Variants in RBFOX1 observed in about 807,000 individuals in gnomAD.
RBFOX1 encodes the protein RNA binding fox-1 homolog 1.
A neutral mutation model predicts 57.7 loss-of-function variants in RBFOX1; 8 were observed. That is an observed-to-expected ratio of 0.14 (90% CI 0.08 to 0.25). The LOEUF is 0.25. Among genes scored for constraint, RBFOX1 ranks in the 10% least tolerant of loss-of-function variants. The probability of loss-of-function intolerance (pLI) is 1.00; values close to 1 mark genes in which losing one functional copy is unlikely to be tolerated. For synonymous variants in RBFOX1, 326 were observed against 222.4 expected (o/e 1.47, Z -4.15); for missense variants, 611 against 548.5 (o/e 1.11, Z -1.14).
chr16:6,201,566 A>G (rs562779353), intron 1 of RBFOX1, among the ~76,000 whole-genome samples: 3 of 152,276 alleles, frequency 2.0e-5, no homozygotes, highest in Non-Finnish European at 4.4e-5. Flanking sequence ...GGGTGTAAAA[A>G]TACAGTTGAT....
At chr16:6,437,961 C>T (rs758880849) in intron 2 of RBFOX1, among the ~76,000 whole-genome samples, 1 of 152,088 alleles carries the variant, frequency 6.6e-6, no homozygotes, top group African/African-American at 2.4e-5. Context: ...CAATGAGGCT[C>T]TTCTGATGGG....
chr16:7,624,834 G>A (rs939782565), intron 10 of RBFOX1, among the ~76,000 whole-genome samples: 3 of 152,178 alleles, frequency 2.0e-5, no homozygotes, highest in African/African-American at 4.8e-5. Context: ...GAGGTGATAC[G>A]GTTCTGATGA....
intron 3 of RBFOX1, among the ~76,000 whole-genome samples, chr16:5,793,956 G>A (rs28687534): frequency 0.046 from 6,962 of 152,210 alleles, 510 homozygotes; most frequent in African/African-American, 0.16. Flanking sequence ...TTTTTTGGGA[G>A]AGTTAATATG....
intron 3 of RBFOX1, among the ~76,000 whole-genome samples, chr16:6,969,777 G>A (rs919203493): frequency 6.6e-6 from 1 of 151,876 alleles, no homozygotes; most frequent in Non-Finnish European, 1.5e-5. Flanking sequence ...TATCTTAATT[G>A]CTGAGCTCTC....
At chr16:5,502,879 G>A (rs1476275332) in intron 2 of RBFOX1, among the ~76,000 whole-genome samples, 4 of 152,190 alleles carry the variant, frequency 2.6e-5, no homozygotes, top group Admixed American at 2.0e-4. Context: ...GAGCAATTCT[G>A]ATTGAGATCT....
intron 1 of RBFOX1, among the ~76,000 whole-genome samples, chr16:5,286,778 G>A (rs997222047): frequency 3.9e-5 from 6 of 152,186 alleles, no homozygotes; most frequent in Admixed American, 6.5e-5. Flanking sequence ...TTGCAGTGAA[G>A]CAGTGGTACC....
chr16:5,875,825 G>A (rs972633181), intron 4 of RBFOX1, among the ~76,000 whole-genome samples: 2 of 151,754 alleles, frequency 1.3e-5, no homozygotes, highest in Non-Finnish European at 2.9e-5. Flanking sequence ...GAGGTTTGGG[G>A]GATGAATTAG....
At chr16:5,999,495 C>T (rs187091759) in intron 4 of RBFOX1, among the ~76,000 whole-genome samples, 1 of 152,114 alleles carries the variant, frequency 6.6e-6, no homozygotes, top group Non-Finnish European at 1.5e-5. Context: ...TGAAACAAAA[C>T]TTACATGCTA....
intron 3 of RBFOX1, among the ~76,000 whole-genome samples, chr16:6,901,762 T>A (rs74008424): frequency 0.026 from 4,009 of 152,298 alleles, 166 homozygotes; most frequent in African/African-American, 0.092. Flanking sequence ...CAGTAGAGAT[T>A]AACACTCATA....
At chr16:5,448,995 T>A (rs2068338530) in intron 1 of RBFOX1, among the ~76,000 whole-genome samples, 2 of 152,026 alleles carry the variant, frequency 1.3e-5, no homozygotes, top group African/African-American at 4.8e-5. Flanking sequence ...CCACAGGGCC[T>A]TTGCACGTGG....
intron 13 of RBFOX1, among the ~76,000 whole-genome samples, chr16:7,667,870 C>T (rs549929240): frequency 6.6e-6 from 1 of 152,190 alleles, no homozygotes; most frequent in South Asian, 2.1e-4. Context: ...GACAGGATTT[C>T]ACCATGTTGG....
chr16:7,478,053 A>G (rs1270398085), intron 4 of RBFOX1, among the ~76,000 whole-genome samples: 1 of 152,216 alleles, frequency 6.6e-6, no homozygotes, highest in Non-Finnish European at 1.5e-5. Context: ...TCCAAATCGA[A>G]TAAGTGCATT....
chr16:6,618,748 G>GCT (rs1191034979), intron 2 of RBFOX1, among the ~76,000 whole-genome samples: 1 of 152,130 alleles, frequency 6.6e-6, no homozygotes, highest in African/African-American at 2.4e-5. Flanking sequence ...AAAGCTGGCT[G>GCT]CTCATGGTAA....
chr16:5,562,831 T>G (rs1429151765), intron 2 of RBFOX1, among the ~76,000 whole-genome samples: 1 of 152,200 alleles, frequency 6.6e-6, no homozygotes, highest in Non-Finnish European at 1.5e-5. Flanking sequence ...AGGAACTACC[T>G]TTAGGCAAAC....
chr16:7,151,596 A>C (rs1484096834), intron 4 of RBFOX1, among the ~76,000 whole-genome samples: 1 of 152,270 alleles, frequency 6.6e-6, no homozygotes, highest in Non-Finnish European at 1.5e-5. Flanking sequence ...GGGATGGGAA[A>C]ATGGAGGGAA....
intron 4 of RBFOX1, among the ~76,000 whole-genome samples, chr16:7,298,289 T>TG (rs1224510929): frequency 3.0e-5 from 4 of 134,214 alleles, no homozygotes; most frequent in African/African-American, 8.5e-5. Flanking sequence ...TTTTTTGTTT[T>TG]TTTTTTTTTT....
intron 2 of RBFOX1, among the ~76,000 whole-genome samples, chr16:6,632,252 C>T (rs369442343): frequency 4.6e-5 from 7 of 151,738 alleles, no homozygotes; most frequent in African/African-American, 1.7e-4. Context: ...TGCATGCTAG[C>T]TACAAACTGA....
chr16:5,323,159 C>T (rs535277921), intron 1 of RBFOX1, among the ~76,000 whole-genome samples: 1 of 152,196 alleles, frequency 6.6e-6, no homozygotes, highest in Non-Finnish European at 1.5e-5. Context: ...GGACATATGA[C>T]AAAGTGCTGT....
At chr16:5,527,519 C>T (rs2044293454) in intron 2 of RBFOX1, among the ~76,000 whole-genome samples, 2 of 152,138 alleles carry the variant, frequency 1.3e-5, no homozygotes, top group Admixed American at 6.5e-5. Context: ...TTTATATGAG[C>T]AAGAAGTAAT....
Sources: allele counts gnomAD v4.1 joint callset (sites outside exome capture counted in the v4.1 genomes callset), GRCh38; gene constraint gnomAD v4.1.1; transcripts MANE v1.5; gene names NCBI Gene and HGNC (gene_info 2026-07-23, HGNC 2026-07-21).